NIBAN2: variants seen among roughly 807,000 people sequenced by gnomAD.
NIBAN2 encodes the protein niban apoptosis regulator 2.
In NIBAN2, 36 loss-of-function variants were observed where a neutral mutation model predicts 81.8. The ratio of observed to expected loss-of-function variants is 0.44; its 90% CI spans 0.34 to 0.58. The LOEUF is 0.58. NIBAN2 is among the 20% of genes least tolerant of loss of function. The pLI is 0.02. For synonymous variants in NIBAN2, 445 were observed against 441.6 expected, an observed-to-expected ratio of 1.01 and a Z score of -0.10; for missense variants, 897 against 1,014.1, an observed-to-expected ratio of 0.88 and a Z score of 1.57.
intron 1 of NIBAN2, among the ~76,000 whole-genome samples, chr9:127,554,282 A>G (rs4378065): frequency 0.17 from 25,765 of 152,152 alleles, 2,359 homozygotes; most frequent in Admixed American, 0.22. Flanking sequence ...GCCTTGGATA[A>G]GCAAGGGTCT....
In NIBAN2 at chr9:127,517,267, G is replaced by GC; in HGVS notation, c.706-52dup. On this transcript the variant is annotated intron_variant, in intron 6 of 13. Transcript: ENST00000373312. The surrounding 1 kb of genome is among the most constrained non-coding windows in gnomAD (Gnocchi z 4.0). Reference sequence around the variant, plus strand: ...CCAGGGGCTGGAGAGCGCTCAGCTGGCCTGTTTCTCTCTGCATTCCCACAA... The same window carrying GC: ...CCAGGGGCTGGAGAGCGCTCAGCTGGCCCTGTTTCTCTCTGCATTCCCACAA... The GC allele has an allele frequency of 6.6e-7, 1 of 1,519,826 alleles. No homozygotes were observed. Among genetic ancestry groups the GC allele is most frequent in the Non-Finnish European group, 9.1e-7 (1 of 1,104,646 alleles). 94.1% of individuals were successfully genotyped at this position (1,519,826 alleles called of 1,614,324 possible). A position where few individuals can be genotyped will look rare whatever the true frequency, so the allele number is the denominator to read the frequency against.
At chr9:127,565,979 C>CACAA (rs1837852703) in intron 1 of NIBAN2, among the ~76,000 whole-genome samples, 1 of 149,250 alleles carries the variant, frequency 6.7e-6, no homozygotes, top group African/African-American at 2.5e-5. Flanking sequence ...CACACACACA[C>CACAA]AAATTAGCAC....
Position 127,563,593 on chromosome 9 carries a change from T to A in NIBAN2, c.55+5227A>T, listed in dbSNP as rs1041006929. Among the ~76,000 whole-genome samples, 5 of 151,666 alleles carry A rather than the reference T, an allele frequency of 3.3e-5. No homozygotes were observed. The highest frequency in any genetic ancestry group is 1.9e-4 in the East Asian group (1 of 5,158). On this transcript the variant is annotated intron_variant, in intron 1 of 13. Coordinates refer to ENST00000373312, the MANE Select transcript of NIBAN2 (RefSeq NM_022833.4). This position sits in a 1 kb window ranked among gnomAD's most constrained non-coding sequence, Gnocchi z 4.1. ...GCTGGAGTGCAATGGTGCGATCTCG[T>A]CTCACTGCAACCTCCACCTCCCGGG...
chr9:127,552,973 T>C (rs747698333), intron 1 of NIBAN2, among the ~76,000 whole-genome samples: 2 of 152,172 alleles, frequency 1.3e-5, no homozygotes, highest in Non-Finnish European at 2.9e-5. Context: ...ATTACAGGCA[T>C]TAGCCTCCTT....
chr9:127,554,548 C>CTTTTTTTTTTTTTTTTTTT (rs1230242603), intron 1 of NIBAN2, among the ~76,000 whole-genome samples: 9 of 103,706 alleles, frequency 8.7e-5, no homozygotes, highest in South Asian at 3.6e-4. Context: ...TTTTCTTTTT[C>CTTTTTTTTTTTTTTTTTTT]TTTTTTTTTT....
chr9:127,523,019 T>C (rs2132173191), intron 5 of NIBAN2, among the ~76,000 whole-genome samples: 1 of 151,236 alleles, frequency 6.6e-6, no homozygotes, highest in South Asian at 2.1e-4. Flanking sequence ...ACCCAGTGCC[T>C]AAATCTGGGC....
At chr9:127,540,875 C>G (rs185381651) in intron 1 of NIBAN2, among the ~76,000 whole-genome samples, 1 of 152,176 alleles carries the variant, frequency 6.6e-6, no homozygotes, top group Admixed American at 6.5e-5. Context: ...ACCTCACCCA[C>G]GAGGCCCAGC....
At chr9:127,547,442 AG>A (rs1837491961) in intron 1 of NIBAN2, among the ~76,000 whole-genome samples, 1 of 150,732 alleles carries the variant, frequency 6.6e-6, no homozygotes, top group African/African-American at 2.4e-5. Flanking sequence ...GCTTGAACCT[AG>A]GAAGTGGAGG....
At chr9:127,572,260 C>A (rs565375940), upstream of NIBAN2, among the ~76,000 whole-genome samples, 1 of 152,204 alleles carries the variant, frequency 6.6e-6, no homozygotes, top group East Asian at 1.9e-4. Flanking sequence ...GGGATCCTCC[C>A]GCCTAAGCCT....
chr9:127,511,706 A>G (rs1836739054), intron 8 of NIBAN2, among the ~76,000 whole-genome samples: 2 of 152,364 alleles, frequency 1.3e-5, no homozygotes, highest in South Asian at 2.1e-4. Flanking sequence ...TAAGGATCTC[A>G]AACAAGTCTA....
intron 9 of NIBAN2, 89 bp downstream of exon 9, chr9:127,510,057 G>A (rs1440366383): frequency 3.9e-6 from 5 of 1,292,560 alleles, no homozygotes; most frequent in Middle Eastern, 2.0e-4. Context: ...GGAGGGGAAC[G>A]GCTGCCCGGA....
chr9:127,562,096 G>GT (rs1411220139), intron 1 of NIBAN2, among the ~76,000 whole-genome samples: 1 of 152,176 alleles, frequency 6.6e-6, no homozygotes, highest in Non-Finnish European at 1.5e-5. Flanking sequence ...GTCAGAGGCT[G>GT]TGAGTCTCAG....
Position 127,508,846 on chromosome 9 carries a change from G to T in NIBAN2, c.1317+130C>A. The T allele has an allele frequency of 9.6e-7, 1 of 1,044,526 alleles. No individual in the cohort carries two copies. The highest frequency in any genetic ancestry group is 1.4e-6 in the Non-Finnish European group (1 of 691,022). 64.7% of individuals were successfully genotyped at this position (1,044,526 alleles called of 1,614,324 possible). A position where few individuals can be genotyped will look rare whatever the true frequency, so the allele number is the denominator to read the frequency against. On this transcript the variant is annotated intron_variant, in intron 10 of 13. Coordinates refer to ENST00000373312, the MANE Select transcript of NIBAN2 (RefSeq NM_022833.4). The surrounding 1 kb of genome is among the most constrained non-coding windows in gnomAD (Gnocchi z 6.4). ...CAGAGGCACAGATGTTCCAAGCAGA[G>T]GAGGAGAGAGCGTGCCAGGCAAGCG...
intron 1 of NIBAN2, among the ~76,000 whole-genome samples, chr9:127,564,160 G>C (rs1047001009): frequency 2.6e-5 from 4 of 152,044 alleles, no homozygotes; most frequent in Non-Finnish European, 5.9e-5. Context: ...AGGTGTGGTG[G>C]TGGGCACCTG....
chr9:127,530,917 G>A (rs1297212946), intron 2 of NIBAN2, among the ~76,000 whole-genome samples: 1 of 152,124 alleles, frequency 6.6e-6, no homozygotes, highest in African/African-American at 2.4e-5. Flanking sequence ...GGTGGCTCAC[G>A]CCTGTAATCC....
chr9:127,522,633 TTCC>T (rs1361439346), intron 5 of NIBAN2, among the ~76,000 whole-genome samples: 1 of 151,910 alleles, frequency 6.6e-6, no homozygotes, highest in Non-Finnish European at 1.5e-5. Flanking sequence ...CCTCGTGCAG[TTCC>T]TCCTCCGGGC....
intron 1 of NIBAN2, among the ~76,000 whole-genome samples, chr9:127,557,356 G>A (rs1444154305): frequency 6.6e-6 from 1 of 152,196 alleles, no homozygotes; most frequent in Admixed American, 6.5e-5. Flanking sequence ...AACCATGGGG[G>A]AAACTGAGGC....
chr9:127,540,038 G>A (rs907759173), intron 1 of NIBAN2, among the ~76,000 whole-genome samples: 1 of 152,192 alleles, frequency 6.6e-6, no homozygotes, highest in African/African-American at 2.4e-5. Context: ...ACCAATGGGG[G>A]CTCCTAAGAA....
At chr9:127,575,459 C>G (rs1022896520) in intron 1 of NIBAN2, among the ~76,000 whole-genome samples, 1 of 150,900 alleles carries the variant, frequency 6.6e-6, no homozygotes, top group African/African-American at 2.4e-5. Flanking sequence ...AACTCCTGAC[C>G]TCGTGATCCA....
Sources: allele counts gnomAD v4.1 joint callset (sites outside exome capture counted in the v4.1 genomes callset), GRCh38; gene constraint gnomAD v4.1.1; non-coding constraint Gnocchi (gnomAD v3.1); transcripts MANE v1.5; gene names NCBI Gene and HGNC (gene_info 2026-07-23, HGNC 2026-07-21).